Variants in ARHGEF10L observed in about 807,000 individuals in gnomAD.
ARHGEF10L encodes rho guanine nucleotide exchange factor 10-like protein.
A neutral mutation model predicts 141.2 loss-of-function variants in ARHGEF10L; 69 were observed. That is an observed-to-expected ratio of 0.49 (90% CI 0.40 to 0.60). The LOEUF (loss-of-function observed/expected upper bound fraction) is 0.60. Among genes scored for constraint, ARHGEF10L ranks in the 20% least tolerant of loss-of-function variants. The pLI is 0.00. For missense variants in ARHGEF10L, 1,482 were observed against 1,734.3 expected, an observed-to-expected ratio of 0.85 and a Z score of 2.58; for synonymous variants, 711 against 718.5, an observed-to-expected ratio of 0.99 and a Z score of 0.17.
At position 17,677,487 on chromosome 1, in the gene ARHGEF10L, C is replaced by T. The variant is rs1571486671; in HGVS notation, c.3010-10086C>T. On this transcript the variant is annotated intron_variant, in intron 26 of 28. Transcript: ENST00000361221. ...GCCCCGGCTCTTCCAGGCCTTCTGG[C>T]CCAGGGTGGGCACTGGCTGGAGCTT... Among the ~76,000 whole-genome samples the T allele has an allele frequency of 2.0e-5, 3 of 152,378 alleles. No homozygotes were observed. The South Asian group carries it at 6.2e-4, about 32-fold the overall frequency.
the ARHGEF10L span, among the ~76,000 whole-genome samples, chr1:17,522,046 G>C: frequency 6.6e-6 from 1 of 152,220 alleles, no homozygotes; most frequent in Non-Finnish European, 1.5e-5. Flanking sequence ...CAACAACAGA[G>C]GGAGGGTTGA....
Position 17,576,883 on chromosome 1 carries a change from G to A in ARHGEF10L, c.-43-3670G>A, listed in dbSNP as rs549664992. On this transcript the variant is annotated intron_variant, in intron 1 of 28. Transcript: ENST00000361221. ...TCTAAACGTGGCCTTCGGTGTCACC[G>A]CCTGGAGAGTCACCGTGCTGTGGGC... is the stretch of plus-strand genomic sequence containing the variant. Among the ~76,000 whole-genome samples the A allele has an allele frequency of 1.5e-4, 23 of 152,314 alleles. No homozygotes were observed. In the South Asian group the frequency reaches 4.6e-3, roughly 30 times the overall value.
At position 17,607,707 on chromosome 1, in the gene ARHGEF10L, T is replaced by A; in HGVS notation, c.434-95T>A. 3.8e-6 allele frequency: 5 copies of A among 1,305,858 alleles called. No individual in the cohort carries two copies. The highest frequency in any genetic ancestry group is 5.0e-6 in the Non-Finnish European group (5 of 1,005,246). 80.9% of individuals were successfully genotyped at this position (1,305,858 alleles called of 1,614,324 possible). On this transcript the variant is annotated intron_variant, in intron 6 of 28. Coordinates refer to ENST00000361221, the MANE Select transcript of ARHGEF10L (RefSeq NM_018125.4). This position sits in a 1 kb window ranked among gnomAD's most constrained non-coding sequence, Gnocchi z 4.5. ...CCCCCATGTTCTCCCTGACCCCCCC[T>A]CGCCCCACCTGGGTTCAGAAATTGG...
At chr1:17,533,773 T>A in the ARHGEF10L span, among the ~76,000 whole-genome samples, 1 of 152,280 alleles carries the variant, frequency 6.6e-6, no homozygotes, top group South Asian at 2.1e-4. Context: ...TGAGACCGAC[T>A]CTATCATCCT....
intron 26 of ARHGEF10L, among the ~76,000 whole-genome samples, chr1:17,680,196 T>C (rs1175941135): frequency 6.6e-6 from 1 of 151,984 alleles, no homozygotes; most frequent in Non-Finnish European, 1.5e-5. Context: ...CAGTCAGGCA[T>C]TGGAAAGTCC....
At chr1:17,568,238 T>G (rs992892672) in intron 1 of ARHGEF10L, among the ~76,000 whole-genome samples, 3 of 152,180 alleles carry the variant, frequency 2.0e-5, no homozygotes, top group African/African-American at 7.2e-5. Context: ...CAACAAACAT[T>G]TATTGAGCAC....
chr1:17,564,411 C>T (rs2077666833), intron 1 of ARHGEF10L, among the ~76,000 whole-genome samples: 1 of 152,172 alleles, frequency 6.6e-6, no homozygotes, highest in African/African-American at 2.4e-5. Flanking sequence ...GATCTGAGTC[C>T]CCCAAGTTCT....
At chr1:17,590,815 C>T (rs906676382) in intron 4 of ARHGEF10L, among the ~76,000 whole-genome samples, 3 of 152,074 alleles carry the variant, frequency 2.0e-5, no homozygotes, top group African/African-American at 4.8e-5. Context: ...GGTGAAACCC[C>T]GTCTCTACAG....
intron 26 of ARHGEF10L, among the ~76,000 whole-genome samples, chr1:17,685,398 C>T (rs534623978): frequency 5.3e-5 from 8 of 152,270 alleles, no homozygotes; most frequent in South Asian, 2.1e-4. Context: ...TTCCTGCCTC[C>T]GGGCCTTTGC....
chr1:17,614,036 A>G (rs1031135919), intron 8 of ARHGEF10L, among the ~76,000 whole-genome samples: 1 of 152,100 alleles, frequency 6.6e-6, no homozygotes, highest in Non-Finnish European at 1.5e-5. Context: ...TCCTTGTGGC[A>G]CTCTGGGCAG....
Position 17,638,660 on chromosome 1 carries a change from C to T in ARHGEF10L, c.2142C>T (p.Leu714=), listed in dbSNP as rs1262978022. ...EEIHSANKCR[L]RLLLPGKPDK... ...TCCACTCGGCCAACAAGTGCCGTCT[C>T]AGGCTCCTGCTTCCTGGGAAACCCG... The change falls in exon 20 of 29, where the codon CTC becomes CTT. Residue 714 remains leucine, a synonymous_variant. Transcript: ENST00000361221. The T allele has an allele frequency of 3.7e-6, 6 of 1,614,124 alleles. No homozygotes were observed. Among genetic ancestry groups the T allele is most frequent in the Non-Finnish European group, 5.1e-6 (6 of 1,180,038 alleles).
chr1:17,572,052 G>A lies in ARHGEF10L; in HGVS notation c.-43-8501G>A, dbSNP rs887795485. 6.6e-5 allele frequency among the ~76,000 whole-genome samples: 10 copies of A among 152,342 alleles called. No individual in the cohort carries two copies. The East Asian group carries it at 1.9e-3, about 29-fold the overall frequency. On this transcript the variant is annotated intron_variant, in intron 1 of 28. Transcript: ENST00000361221. ...TGGACCAGTGATGGGATGGGCAGGG[G>A]ACCCCTGCAGGTAATTCCGCTCAGA...
chr1:17,654,760 C>T lies in ARHGEF10L; in HGVS notation c.2481+38C>T. 6.3e-7 allele frequency: 1 copy of T among 1,586,204 alleles called. No homozygotes were observed. The highest frequency in any genetic ancestry group is 8.6e-7 in the Non-Finnish European group (1 of 1,156,596). On this transcript the variant is annotated intron_variant, in intron 23 of 28. Transcript: ENST00000361221. The surrounding 1 kb of genome is among the most constrained non-coding windows in gnomAD (Gnocchi z 4.3). ...CCTGCCCAGCTGGGCATTCTGGCCT[C>T]AGGACAGGAGTAGGGAGAGCGGCAC...
chr1:17,524,178 C>T, the ARHGEF10L span, among the ~76,000 whole-genome samples: 2 of 151,968 alleles, frequency 1.3e-5, no homozygotes, highest in African/African-American at 4.8e-5. Context: ...GAGGCTGAGG[C>T]AGGACAATTG....
chr1:17,571,935 C>T (rs1441358954), intron 1 of ARHGEF10L, among the ~76,000 whole-genome samples: 1 of 152,226 alleles, frequency 6.6e-6, no homozygotes, highest in African/African-American at 2.4e-5. Context: ...ATGCAAAAGA[C>T]TCCTCCCTTC....
chr1:17,525,903 G>A, the ARHGEF10L span, among the ~76,000 whole-genome samples: 6 of 150,790 alleles, frequency 4.0e-5, no homozygotes, highest in African/African-American at 1.2e-4. Context: ...TTGGGAAGCC[G>A]AGATGGAAGA....
chr1:17,586,433 C>T (rs904910496), intron 2 of ARHGEF10L, among the ~76,000 whole-genome samples: 1 of 152,094 alleles, frequency 6.6e-6, no homozygotes, highest in Non-Finnish European at 1.5e-5. Flanking sequence ...CCAAACTGCC[C>T]GTTGGTTTTG....
At chr1:17,562,278 G>A (rs933443620) in intron 1 of ARHGEF10L, among the ~76,000 whole-genome samples, 1 of 152,212 alleles carries the variant, frequency 6.6e-6, no homozygotes, top group African/African-American at 2.4e-5. Flanking sequence ...TTGGCTGGGC[G>A]TGGTGGCGTA....
intron 18 of ARHGEF10L, among the ~76,000 whole-genome samples, chr1:17,637,412 G>A (rs2061064685): frequency 6.6e-6 from 1 of 152,166 alleles, no homozygotes; most frequent in Non-Finnish European, 1.5e-5. Flanking sequence ...TGGATCTCAG[G>A]TGTTAGACTT....
Sources: allele counts gnomAD v4.1 joint callset (sites outside exome capture counted in the v4.1 genomes callset), GRCh38; gene constraint gnomAD v4.1.1; non-coding constraint Gnocchi (gnomAD v3.1); transcripts MANE v1.5; gene names NCBI Gene and HGNC (gene_info 2026-07-23, HGNC 2026-07-21).